The following UCHL3 variants were observed in gnomAD, a reference collection of about 807,000 sequenced individuals.
The protein encoded by UCHL3 is ubiquitin C-terminal hydrolase L3.
In UCHL3, 22 loss-of-function variants were observed where a neutral mutation model predicts 35.8. The ratio of observed to expected loss-of-function variants is 0.61; its 90% CI spans 0.44 to 0.88. UCHL3 has a LOEUF of 0.88. Among genes scored for constraint, UCHL3 ranks in the 40% least tolerant of loss-of-function variants. The pLI is 0.00. For synonymous variants in UCHL3, 90 were observed against 92.8 expected (o/e 0.97, Z 0.17); for missense variants, 229 against 276.9 (o/e 0.83, Z 1.23).
intron 7 of UCHL3, among the ~76,000 whole-genome samples, chr13:75,601,967 G>T (rs1248909373): frequency 6.6e-6 from 1 of 152,018 alleles, no homozygotes; most frequent in Non-Finnish European, 1.5e-5. Context: ...AAATTAGCTG[G>T]GTGTGGTGGT....
chr13:75,599,234 G>A (rs2032719344), intron 7 of UCHL3, among the ~76,000 whole-genome samples: 1 of 150,392 alleles, frequency 6.6e-6, no homozygotes, highest in Non-Finnish European at 1.5e-5. Context: ...GCCTTCCAAA[G>A]TGCTGGGATT....
chr13:75,549,725 G>C, upstream of UCHL3: 2 of 1,387,660 alleles, frequency 1.4e-6, no homozygotes, highest in Non-Finnish European at 1.9e-6. Flanking sequence ...TCCGGGCGGT[G>C]TGTTGGGAGG....
intron 8 of UCHL3, 34 bp downstream of exon 8, chr13:75,604,861 A>G (rs773677351): frequency 1.4e-5 from 21 of 1,549,880 alleles, no homozygotes; most frequent in Non-Finnish European, 1.8e-5. Flanking sequence ...ATCTTCATCA[A>G]TATTTTGTCA....
Position 75,564,121 on chromosome 13 carries a change from A to G in UCHL3, c.184-2574A>G, listed in dbSNP as rs546920108. ...TTGTTTCCATATCTTGGCTATCCTG[A>G]GTAATGCTGCAGTGAACATGGAAGT... On this transcript the variant is annotated intron_variant, in intron 3 of 8. Transcript: ENST00000377595. 3.3e-5 allele frequency among the ~76,000 whole-genome samples: 5 copies of G among 151,770 alleles called. No individual in the cohort carries two copies. In the South Asian group the frequency reaches 1.0e-3, roughly 32 times the overall value.
chr13:75,575,596 A>G (rs1364118788), intron 6 of UCHL3, among the ~76,000 whole-genome samples: 4 of 152,280 alleles, frequency 2.6e-5, no homozygotes, highest in Admixed American at 2.6e-4. Flanking sequence ...TCTATAGATG[A>G]GGCAATTGAG....
intron 2 of UCHL3, among the ~76,000 whole-genome samples, chr13:75,550,721 T>C (rs1318050753): frequency 6.3e-4 from 2 of 3,172 alleles, no homozygotes; most frequent in Non-Finnish European, 1.2e-3. Flanking sequence ...TTTTACCCTG[T>C]TTTTTTTTTT....
chr13:75,595,092 T>A, intron 7 of UCHL3, 102 bp downstream of exon 7: 2 of 870,508 alleles, frequency 2.3e-6, no homozygotes, highest in Non-Finnish European at 3.4e-6. Flanking sequence ...TTACTTAAAT[T>A]AACTGGTTGC....
intron 6 of UCHL3, among the ~76,000 whole-genome samples, chr13:75,587,628 G>T (rs568874477): frequency 6.6e-6 from 1 of 152,260 alleles, no homozygotes; most frequent in East Asian, 1.9e-4. Context: ...GCAAATGGAA[G>T]TAAAATGTCA....
intron 2 of UCHL3, among the ~76,000 whole-genome samples, chr13:75,558,312 C>T (rs989486396): frequency 7.9e-5 from 12 of 152,146 alleles, no homozygotes; most frequent in Non-Finnish European, 2.9e-5. Flanking sequence ...CGTTTGGTTC[C>T]TAGTACTTTT....
intron 6 of UCHL3, among the ~76,000 whole-genome samples, chr13:75,591,152 G>A (rs377631097): frequency 6.6e-6 from 1 of 152,196 alleles, no homozygotes; most frequent in African/African-American, 2.4e-5. Flanking sequence ...TCAATGGCAA[G>A]CATTCTTTCC....
intron 7 of UCHL3, among the ~76,000 whole-genome samples, chr13:75,602,488 C>T (rs1002991296): frequency 5.9e-5 from 9 of 152,194 alleles, no homozygotes; most frequent in Non-Finnish European, 1.3e-4. Context: ...GCAGCTTTTT[C>T]CTGCCTCTTT....
intron 6 of UCHL3, among the ~76,000 whole-genome samples, chr13:75,582,475 T>C (rs192241000): frequency 2.0e-5 from 3 of 152,312 alleles, no homozygotes; most frequent in African/African-American, 7.2e-5. Context: ...ACTGTTAATG[T>C]CCTGGCAAAC....
At chr13:75,552,402 C>T (rs181122866) in intron 2 of UCHL3, among the ~76,000 whole-genome samples, 1 of 152,340 alleles carries the variant, frequency 6.6e-6, no homozygotes. Context: ...CTGTTACCAT[C>T]TGGTAATTGC....
intron 3 of UCHL3, among the ~76,000 whole-genome samples, chr13:75,563,227 G>C (rs1229407686): frequency 6.6e-6 from 1 of 152,166 alleles, no homozygotes; most frequent in Admixed American, 6.5e-5. Context: ...CCAATCTGGA[G>C]TGCAGTGGTG....
At chr13:75,551,155 C>G (rs1427352243) in intron 2 of UCHL3, among the ~76,000 whole-genome samples, 9 of 152,108 alleles carry the variant, frequency 5.9e-5, no homozygotes, top group Admixed American at 5.9e-4. Flanking sequence ...GACGGCCAGG[C>G]GCGGTGGCTC....
chr13:75,560,950 A>C, intron 3 of UCHL3, 69 bp downstream of exon 3: 3 of 1,401,920 alleles, frequency 2.1e-6, no homozygotes, highest in Non-Finnish European at 2.8e-6. Flanking sequence ...TTATTTTTTG[A>C]GGCAGTATCT....
At chr13:75,558,660 CATT>C (rs2138463108) in intron 2 of UCHL3, among the ~76,000 whole-genome samples, 1 of 152,254 alleles carries the variant, frequency 6.6e-6, no homozygotes, top group Non-Finnish European at 1.5e-5. Context: ...TTCTTTTCCT[CATT>C]ATACAGAGGC....
At chr13:75,569,758 T>C (rs1354780130) in intron 6 of UCHL3, among the ~76,000 whole-genome samples, 2 of 152,228 alleles carry the variant, frequency 1.3e-5, no homozygotes, top group Non-Finnish European at 2.9e-5. Context: ...ATAATGCAGA[T>C]TGTGTGCTGT....
intron 6 of UCHL3, 105 bp from the exon 7 acceptor site, chr13:75,594,810 A>G (rs1013202062): frequency 2.4e-6 from 2 of 830,290 alleles, no homozygotes; most frequent in African/African-American, 3.6e-5. Context: ...TATTGGATAA[A>G]TGTTCTCTTA....
Sources: gnomAD v4.1 joint callset for allele counts (sites outside exome capture counted in the v4.1 genomes callset) on GRCh38, gnomAD v4.1.1 for gene constraint, MANE v1.5 for transcripts, NCBI Gene and HGNC (gene_info 2026-07-23, HGNC 2026-07-21) for gene names.